Variants in APP observed in about 807,000 individuals in gnomAD.
APP encodes the protein amyloid beta precursor protein.
In APP, 31 loss-of-function variants were observed where a neutral mutation model predicts 101.4. The observed-to-expected ratio is 0.31, with a 90% CI of 0.23 to 0.41. The LOEUF is 0.41. Among genes scored for constraint, APP ranks in the 10% least tolerant of loss-of-function variants. The pLI is 1.00. For synonymous variants in APP, 366 were observed against 364.4 expected (o/e 1.00, Z -0.05); for missense variants, 839 against 1,003.7 (o/e 0.84, Z 2.22).
intron 13 of APP, among the ~76,000 whole-genome samples, chr21:25,932,869 A>G (rs1442874043): frequency 6.6e-6 from 1 of 152,216 alleles, no homozygotes; most frequent in African/African-American, 2.4e-5. Flanking sequence ...AACATACAAT[A>G]TTAAAGCATA....
At chr21:26,161,004 CT>C (rs1382490040) in intron 1 of APP, among the ~76,000 whole-genome samples, 1 of 152,168 alleles carries the variant, frequency 6.6e-6, no homozygotes, top group African/African-American at 2.4e-5. Context: ...TCTTTCTATG[CT>C]TGTTCGCAGT....
At chr21:25,909,942 A>C (rs2038985263) in intron 14 of APP, among the ~76,000 whole-genome samples, 1 of 152,134 alleles carries the variant, frequency 6.6e-6, no homozygotes. Context: ...GTTTGCTATT[A>C]CTGTAAGGTG....
intron 15 of APP, among the ~76,000 whole-genome samples, chr21:25,903,717 C>T (rs1271550624): frequency 1.3e-5 from 2 of 152,092 alleles, no homozygotes; most frequent in Non-Finnish European, 2.9e-5. Context: ...CTTGAGATTC[C>T]CTTACATGAC....
chr21:26,094,872 C>T (rs1375351028), intron 2 of APP, among the ~76,000 whole-genome samples: 1 of 150,714 alleles, frequency 6.6e-6, no homozygotes, highest in East Asian at 1.9e-4. Flanking sequence ...TTGAGATGGA[C>T]TCTCACTCTG....
intron 5 of APP, among the ~76,000 whole-genome samples, chr21:26,028,613 G>C (rs2044685831): frequency 6.6e-6 from 1 of 152,038 alleles, no homozygotes; most frequent in Non-Finnish European, 1.5e-5. Flanking sequence ...GAGTTGAAAG[G>C]CATATGTACA....
rs968400380 is a variant in APP, at chr21:26,159,560, T to A, written c.57+11004A>T. Among the ~76,000 whole-genome samples the A allele has an allele frequency of 2.0e-5, 3 of 152,302 alleles. No homozygotes were observed. The East Asian group carries it at 5.8e-4, about 29-fold the overall frequency. The stretch of plus-strand genomic sequence containing the variant: ...ATCTGCACACAGAAGAATCACGGGC[T>A]TAGGCTTGGCTTTGTGTTCAACCTC... On this transcript the variant is annotated intron_variant, in intron 1 of 17. Coordinates refer to ENST00000346798, the MANE Select transcript of APP (RefSeq NM_000484.4).
intron 1 of APP, among the ~76,000 whole-genome samples, chr21:26,164,118 G>A (rs1194989829): frequency 6.6e-6 from 1 of 152,172 alleles, no homozygotes; most frequent in Admixed American, 6.5e-5. Context: ...AGTGGCACAC[G>A]CCTGTAATCC....
intron 13 of APP, among the ~76,000 whole-genome samples, chr21:25,948,449 T>C (rs1384981121): frequency 6.6e-6 from 1 of 152,228 alleles, no homozygotes; most frequent in Non-Finnish European, 1.5e-5. Context: ...CCTTTCATTA[T>C]TGCGAATTTC....
intron 5 of APP, among the ~76,000 whole-genome samples, chr21:26,026,754 A>G (rs932752852): frequency 6.6e-6 from 1 of 152,220 alleles, no homozygotes; most frequent in Non-Finnish European, 1.5e-5. Flanking sequence ...AGTACTCAGT[A>G]TGACACTACA....
rs527354074 is a variant in APP, at chr21:26,093,567, C to G, written c.226-3495G>C. 4.6e-5 allele frequency among the ~76,000 whole-genome samples: 7 copies of G among 152,266 alleles called. No individual in the cohort carries two copies. The South Asian group carries it at 1.5e-3, about 32-fold the overall frequency. On this transcript the variant is annotated intron_variant, in intron 2 of 17. Coordinates refer to ENST00000346798, the MANE Select transcript of APP (RefSeq NM_000484.4). ...ATTCCTATGGTAATAGTTGGTGCAA[C>G]AGGGCAGTAACTGATTAGGTTGACT...
intron 13 of APP, chr21:25,928,881 C>G (rs1569068657): frequency 7.1e-6 from 1 of 141,818 alleles, no homozygotes; most frequent in Non-Finnish European, 1.5e-5. Flanking sequence ...ATCACTACGC[C>G]CGGCTAGTTT....
At chr21:25,889,674 C>T (rs894005304) in intron 17 of APP, among the ~76,000 whole-genome samples, 3 of 152,170 alleles carry the variant, frequency 2.0e-5, no homozygotes, top group African/African-American at 7.2e-5. Context: ...AACCCTGTCT[C>T]TACTAAAAAT....
chr21:26,044,417 T>C (rs2045515657), intron 5 of APP, among the ~76,000 whole-genome samples: 1 of 152,248 alleles, frequency 6.6e-6, no homozygotes, highest in Non-Finnish European at 1.5e-5. Flanking sequence ...ACCAATTAGA[T>C]AAACCAGAAG....
At chr21:26,071,059 T>C (rs2146035555) in intron 3 of APP, among the ~76,000 whole-genome samples, 1 of 152,320 alleles carries the variant, frequency 6.6e-6, no homozygotes, top group Non-Finnish European at 1.5e-5. Context: ...AAAGAGTGAA[T>C]GCATTTGTTT....
intron 16 of APP, among the ~76,000 whole-genome samples, chr21:25,892,287 G>A (rs1415691756): frequency 1.3e-5 from 2 of 152,090 alleles, no homozygotes; most frequent in East Asian, 3.9e-4. Context: ...AATGAAAGGA[G>A]GTCAGCATTT....
chr21:26,070,949 G>T (rs2830039), intron 3 of APP, among the ~76,000 whole-genome samples: 5,631 of 152,112 alleles, frequency 0.037, 341 homozygotes, highest in Admixed American at 0.16. Flanking sequence ...GGAAATTTCT[G>T]CTTCCTTTGC....
intron 17 of APP, among the ~76,000 whole-genome samples, chr21:25,886,842 T>G (rs1454205502): frequency 6.6e-6 from 1 of 152,116 alleles, no homozygotes; most frequent in Non-Finnish European, 1.5e-5. Context: ...TACTCTACAA[T>G]GCCAACGTCA....
intron 1 of APP, among the ~76,000 whole-genome samples, chr21:26,143,094 T>A (rs991700129): frequency 1.6e-4 from 24 of 152,092 alleles, no homozygotes; most frequent in Non-Finnish European, 3.5e-4. Flanking sequence ...ATAAAATGAG[T>A]GGGAAAATCA....
intron 14 of APP, among the ~76,000 whole-genome samples, 177 bp downstream of exon 14, chr21:25,911,564 A>G (rs906054721): frequency 8.5e-5 from 13 of 152,232 alleles, no homozygotes; most frequent in South Asian, 2.1e-4. Context: ...TTTTAATGAC[A>G]TAGTAACTCC....
Sources: allele counts gnomAD v4.1 joint callset (sites outside exome capture counted in the v4.1 genomes callset), GRCh38; gene constraint gnomAD v4.1.1; transcripts MANE v1.5; gene names NCBI Gene and HGNC (gene_info 2026-07-23, HGNC 2026-07-21).